The following CHAT variants were observed in gnomAD, a reference collection of about 807,000 sequenced individuals.
CHAT encodes acetyl CoA:choline O-acetyltransferase.
In CHAT, 61 loss-of-function variants were observed where a neutral mutation model predicts 76.9. The observed-to-expected ratio is 0.79, with a 90% CI of 0.65 to 0.98. The LOEUF (loss-of-function observed/expected upper bound fraction) is 0.98, where lower values mean the gene tolerates loss of function less well. Ranked by LOEUF, CHAT falls within the 50% of genes least tolerant of loss-of-function variation. The probability of loss-of-function intolerance (pLI) is 0.00; values close to 1 mark genes in which losing one functional copy is unlikely to be tolerated. For synonymous variants in CHAT, 407 were observed against 397.4 expected, an observed-to-expected ratio of 1.02 and a Z score of -0.29; for missense variants, 946 against 986.9, an observed-to-expected ratio of 0.96 and a Z score of 0.56.
rs1032740172 is a variant in CHAT at position 49,626,716 on chromosome 10, G to A, written c.934-892G>A. Among the ~76,000 whole-genome samples the A allele has an allele frequency of 3.3e-5, 5 of 152,316 alleles. No homozygotes were observed. In the East Asian group the frequency reaches 5.8e-4, roughly 18 times the overall value. ...CCCCTGCACAAGACCAGGCCATACAGACACTGCTAGGGGGTTGGAGGGGAA... is the reference window on the plus strand; with the variant it reads ...CCCCTGCACAAGACCAGGCCATACAAACACTGCTAGGGGGTTGGAGGGGAA... On this transcript the variant is annotated intron_variant, in intron 6 of 14. Coordinates refer to ENST00000337653, the MANE Select transcript of CHAT (RefSeq NM_020549.5).
At chr10:49,656,789 G>A (rs1473938851) in intron 13 of CHAT, among the ~76,000 whole-genome samples, 1 of 152,170 alleles carries the variant, frequency 6.6e-6, no homozygotes, top group Non-Finnish European at 1.5e-5. Context: ...TTTGCTGAGA[G>A]GCAGAGTTGC....
chr10:49,638,318 A>G (rs1294655904), intron 7 of CHAT, among the ~76,000 whole-genome samples: 2 of 152,086 alleles, frequency 1.3e-5, no homozygotes, highest in Non-Finnish European at 2.9e-5. Flanking sequence ...TTATAACCAA[A>G]CTATATCATT....
At chr10:49,648,730 C>G in intron 9 of CHAT, 123 bp downstream of exon 9, 1 of 204,386 alleles carries the variant, frequency 4.9e-6, no homozygotes, top group Admixed American at 5.3e-5. Context: ...GTACTATACA[C>G]ACACACACAC....
chr10:49,651,453 C>T (rs2132818638), intron 10 of CHAT, among the ~76,000 whole-genome samples: 1 of 152,338 alleles, frequency 6.6e-6, no homozygotes, highest in East Asian at 1.9e-4. Flanking sequence ...CCCCAGACTC[C>T]TGATGGAGGA....
rs565503794 is a variant in CHAT, at chr10:49,636,387, T to A, written c.1111+8602T>A. 1.7e-4 allele frequency among the ~76,000 whole-genome samples: 26 copies of A among 152,322 alleles called. No homozygotes were observed. In the South Asian group the frequency reaches 4.6e-3, roughly 27 times the overall value. On this transcript the variant is annotated intron_variant, in intron 7 of 14. Coordinates refer to ENST00000337653, the MANE Select transcript of CHAT (RefSeq NM_020549.5). ...AGTTGGTCATGGTGTATAATTCTTT[T>A]CATATATTGCTTAATTCTACCTGCT... is the stretch of plus-strand genomic sequence containing the variant.
At chr10:49,651,380 G>A (rs998358983) in intron 10 of CHAT, among the ~76,000 whole-genome samples, 5 of 151,788 alleles carry the variant, frequency 3.3e-5, no homozygotes, top group Non-Finnish European at 5.9e-5. Context: ...CAGGCTATGC[G>A]CTCTCCAGTG....
intron 7 of CHAT, among the ~76,000 whole-genome samples, chr10:49,634,657 T>C (rs114065219): frequency 6.6e-6 from 1 of 152,254 alleles, no homozygotes; most frequent in African/African-American, 2.4e-5. Context: ...TTCCATTTTA[T>C]GTGCAGCACA....
At chr10:49,658,769 T>A (rs1663151312) in intron 13 of CHAT, among the ~76,000 whole-genome samples, 1 of 152,156 alleles carries the variant, frequency 6.6e-6, no homozygotes, top group South Asian at 2.1e-4. Context: ...AATTGAACAG[T>A]TTAAAAGTGA....
chr10:49,610,576 C>T (rs1838262300), upstream of CHAT: 3 of 618,750 alleles, frequency 4.8e-6, no homozygotes, highest in East Asian at 9.7e-5. Context: ...GAGTCCTTTC[C>T]TTTCCCGGGA....
Position 49,649,520 on chromosome 10 carries a change from C to T in CHAT, c.1395C>T (p.Ser465=). 2 of 1,613,884 alleles carry T rather than the reference C, an allele frequency of 1.2e-6. No homozygotes were observed. The highest frequency in any genetic ancestry group is 1.3e-5 in the African/African-American group (1 of 75,078). The change falls in exon 10 of 15, where the codon AGC becomes AGT. Residue 465 remains serine (S), a synonymous_variant. Coordinates refer to ENST00000337653, the MANE Select transcript of CHAT (RefSeq NM_020549.5). ...EHLLKHVTQS[S]RKLIRADSVS... is the part of the protein sequence containing the mutation. ...TCTGTGCCCGCAGGACGCAGAGCAG[C>T]AGGAAGCTGATCCGAGCAGACTCCG...
chr10:49,645,782 A>C (rs1839640488), intron 7 of CHAT, among the ~76,000 whole-genome samples: 1 of 152,166 alleles, frequency 6.6e-6, no homozygotes, highest in South Asian at 2.1e-4. Flanking sequence ...TTACTCTAGA[A>C]GAATGTCTAG....
intron 10 of CHAT, 33 bp from the exon 11 acceptor site, chr10:49,651,851 G>T: frequency 6.2e-7 from 1 of 1,603,938 alleles, no homozygotes; most frequent in Non-Finnish European, 8.5e-7. Context: ...TGTTTTGCAT[G>T]CAATAAAAAC....
chr10:49,610,484 G>T (rs972879751), upstream of CHAT: 4 of 399,606 alleles, frequency 1.0e-5, no homozygotes, highest in Non-Finnish European at 1.7e-5. Flanking sequence ...CCCTCGGCGC[G>T]CCCGACTTCC....
At chr10:49,661,610 C>T (rs1388270770) in intron 13 of CHAT, among the ~76,000 whole-genome samples, 1 of 152,180 alleles carries the variant, frequency 6.6e-6, no homozygotes, top group African/African-American at 2.4e-5. Context: ...TCCTCCTGTG[C>T]AGGGCTTTGA....
chr10:49,627,068 C>T (rs1008066364), intron 6 of CHAT, among the ~76,000 whole-genome samples: 1 of 152,244 alleles, frequency 6.6e-6, no homozygotes, highest in Non-Finnish European at 1.5e-5. Flanking sequence ...TCACTCTTTT[C>T]AATGGCTGGG....
chr10:49,632,708 C>A (rs535725794), intron 7 of CHAT, among the ~76,000 whole-genome samples: 10 of 152,314 alleles, frequency 6.6e-5, no homozygotes, highest in African/African-American at 2.4e-4. Context: ...ATTTTATCAA[C>A]CTCTCTCCTT....
chr10:49,633,442 C>T (rs780914756), intron 7 of CHAT, among the ~76,000 whole-genome samples: 2 of 152,126 alleles, frequency 1.3e-5, no homozygotes, highest in Non-Finnish European at 1.5e-5. Flanking sequence ...ATGTCTGTCT[C>T]CTTTAGGGGT....
intron 10 of CHAT, among the ~76,000 whole-genome samples, chr10:49,651,469 T>C (rs922816643): frequency 6.6e-6 from 1 of 152,092 alleles, no homozygotes; most frequent in African/African-American, 2.4e-5. Context: ...GAGGAGGAGA[T>C]TGTTCAATAT....
At chr10:49,614,974 G>T (rs960965489) in intron 1 of CHAT, among the ~76,000 whole-genome samples, 1 of 148,334 alleles carries the variant, frequency 6.7e-6, no homozygotes, top group African/African-American at 2.5e-5. Flanking sequence ...AGCCAGGCTG[G>T]CAGGAGCATG....
Sources: allele counts gnomAD v4.1 joint callset (sites outside exome capture counted in the v4.1 genomes callset), GRCh38; gene constraint gnomAD v4.1.1; transcripts MANE v1.5; gene names NCBI Gene and HGNC (gene_info 2026-07-23, HGNC 2026-07-21).